The following ASTN2 variants were observed in gnomAD, a reference collection of about 807,000 sequenced individuals.
ASTN2 encodes astrotactin-2.
ASTN2 carries 54 observed loss-of-function variants against 139.8 expected under a neutral mutation model. The ratio of observed to expected loss-of-function variants is 0.39; its 90% CI spans 0.31 to 0.48. ASTN2 has a LOEUF of 0.48. Among genes scored for constraint, ASTN2 ranks in the 20% least tolerant of loss-of-function variants. ASTN2 has a pLI of 0.95. For missense variants in ASTN2, 1,565 were observed against 1,725.1 expected (o/e 0.91, Z 1.64); for synonymous variants, 756 against 719.5 (o/e 1.05, Z -0.81).
intron 19 of ASTN2, among the ~76,000 whole-genome samples, chr9:116,561,236 T>C (rs535328720): frequency 1.3e-5 from 2 of 152,320 alleles, no homozygotes; most frequent in South Asian, 4.1e-4. Context: ...TCTTCTTATG[T>C]CTGTCTCCCC....
chr9:116,929,417 T>C lies in ASTN2; in HGVS notation c.1889+45791A>G, dbSNP rs1002383693. On this transcript the variant is annotated intron_variant, in intron 10 of 22. Coordinates refer to ENST00000313400, the MANE Select transcript of ASTN2 (RefSeq NM_001365068.1). The stretch of plus-strand genomic sequence containing the variant: ...AATCAAGGGTATTGATGCTGCAGAG[T>C]CAATTCTGCAGGAAGTGAACCCTAA... Among the ~76,000 whole-genome samples, 16 of 152,058 alleles carry C rather than the reference T, an allele frequency of 1.1e-4. No homozygotes were observed. In the South Asian group the frequency reaches 1.5e-3, roughly 14 times the overall value.
At chr9:116,759,777 A>C (rs1829628396) in intron 13 of ASTN2, among the ~76,000 whole-genome samples, 1 of 152,016 alleles carries the variant, frequency 6.6e-6, no homozygotes, top group Non-Finnish European at 1.5e-5. Flanking sequence ...CCCCATCCCC[A>C]TCTCTTCCCA....
At chr9:116,562,612 T>C (rs897641257) in intron 19 of ASTN2, among the ~76,000 whole-genome samples, 34 of 151,188 alleles carry the variant, frequency 2.2e-4, no homozygotes, top group African/African-American at 7.8e-4. Context: ...GTGCCTGTAA[T>C]CCCAGTTACT....
At chr9:116,939,569 A>T (rs913344222) in intron 10 of ASTN2, among the ~76,000 whole-genome samples, 2 of 152,188 alleles carry the variant, frequency 1.3e-5, no homozygotes. Flanking sequence ...TATTTTAGAC[A>T]GATACAGCTA....
rs1456312910 is a variant in ASTN2 at position 117,414,787 on chromosome 9, G to A, written c.152C>T (p.Ala51Val). ...LLPPPPLLAG[A>V]TAAASREPDS... ...GGGCTCCCGCGAGGCAGCGGCGGTGGCGCCGGCCAGCAGCGGCGGCGGCGG... is the reference window on the plus strand; with the variant it reads ...GGGCTCCCGCGAGGCAGCGGCGGTGACGCCGGCCAGCAGCGGCGGCGGCGG... The change falls in exon 1 of 23, where the codon GCC (alanine) becomes GTC (valine). Residue 51 changes from alanine (A) to valine (V), a missense_variant. Coordinates refer to ENST00000313400, the MANE Select transcript of ASTN2 (RefSeq NM_001365068.1). The surrounding 1 kb of genome is among the most constrained non-coding windows in gnomAD (Gnocchi z 4.2). The A allele has an allele frequency of 6.4e-6, 8 of 1,249,050 alleles. No homozygotes were observed. In the East Asian group the frequency reaches 2.6e-4, roughly 40 times the overall value. 77.4% of individuals were successfully genotyped at this position (1,249,050 alleles called of 1,614,324 possible). A position where few individuals can be genotyped will look rare whatever the true frequency, so the allele number is the denominator to read the frequency against.
chr9:117,406,363 G>T (rs925795167), intron 1 of ASTN2, among the ~76,000 whole-genome samples: 1 of 152,156 alleles, frequency 6.6e-6, no homozygotes, highest in African/African-American at 2.4e-5. Flanking sequence ...CCTTGGCACT[G>T]TTTTGCTTAA....
At chr9:116,625,926 T>A (rs1225257608) in intron 17 of ASTN2, among the ~76,000 whole-genome samples, 1 of 152,124 alleles carries the variant, frequency 6.6e-6, no homozygotes, top group Non-Finnish European at 1.5e-5. Flanking sequence ...ACTTGCTTAT[T>A]TGTGTGTCCT....
At chr9:116,536,154 C>G (rs1587958599) in intron 19 of ASTN2, among the ~76,000 whole-genome samples, 1 of 151,958 alleles carries the variant, frequency 6.6e-6, no homozygotes, top group Admixed American at 6.6e-5. Context: ...AAATCGGCTA[C>G]TGAAGCTTGT....
intron 3 of ASTN2, among the ~76,000 whole-genome samples, chr9:117,160,127 A>C (rs1588028046): frequency 6.6e-6 from 1 of 152,032 alleles, no homozygotes; most frequent in Non-Finnish European, 1.5e-5. Flanking sequence ...GCTCAACATC[A>C]ATAGGATGGG....
chr9:116,639,327 G>A (rs558833364), intron 17 of ASTN2, among the ~76,000 whole-genome samples: 2 of 152,336 alleles, frequency 1.3e-5, no homozygotes, highest in South Asian at 2.1e-4. Context: ...TAGGCATGAT[G>A]TAACTCTGTC....
chr9:116,464,430 A>G (rs1848590419), intron 20 of ASTN2, among the ~76,000 whole-genome samples: 1 of 152,224 alleles, frequency 6.6e-6, no homozygotes, highest in Non-Finnish European at 1.5e-5. Context: ...ATGGTAATGC[A>G]TAGATATTGA....
At chr9:117,305,894 T>C (rs1359252596) in intron 1 of ASTN2, among the ~76,000 whole-genome samples, 1 of 152,196 alleles carries the variant, frequency 6.6e-6, no homozygotes, top group East Asian at 1.9e-4. Context: ...TGCTCAATAA[T>C]GTCTGCAGCA....
chr9:116,752,223 G>A (rs1829419871), intron 13 of ASTN2, among the ~76,000 whole-genome samples: 1 of 152,142 alleles, frequency 6.6e-6, no homozygotes, highest in Non-Finnish European at 1.5e-5. Flanking sequence ...CTTTAACGCA[G>A]AAGCAAAGGC....
Position 117,273,147 on chromosome 9 carries a change from T to C in ASTN2, c.630+18179A>G, listed in dbSNP as rs188159003. 2.6e-5 allele frequency among the ~76,000 whole-genome samples: 4 copies of C among 152,298 alleles called. No individual in the cohort carries two copies. In the East Asian group the frequency reaches 5.8e-4, roughly 22 times the overall value. ...TGGAGGGCAAAAGGCACTTCTTACA[T>C]GGCAGTGGCAAGAGAAAATGAGGAA... On this transcript the variant is annotated intron_variant, in intron 2 of 22. Transcript: ENST00000313400.
intron 1 of ASTN2, among the ~76,000 whole-genome samples, chr9:117,365,179 A>G (rs992311775): frequency 1.9e-4 from 28 of 151,100 alleles, no homozygotes; most frequent in African/African-American, 6.8e-4. Context: ...AAACAAAAAC[A>G]ACAAAAAAAA....
intron 16 of ASTN2, chr9:116,700,988 G>A (rs1042553735): frequency 6.0e-5 from 10 of 167,074 alleles, no homozygotes; most frequent in African/African-American, 2.4e-4. Context: ...ACCCTATTCT[G>A]AGCTTCTGCT....
chr9:117,203,063 G>A (rs1182094418), intron 3 of ASTN2, among the ~76,000 whole-genome samples: 1 of 151,612 alleles, frequency 6.6e-6, no homozygotes, highest in East Asian at 2.0e-4. Context: ...ATTCTTGTCT[G>A]CATGTCTTAT....
At chr9:117,030,770 A>AG (rs1838224128) in intron 6 of ASTN2, among the ~76,000 whole-genome samples, 1 of 152,126 alleles carries the variant, frequency 6.6e-6, no homozygotes, top group Non-Finnish European at 1.5e-5. Flanking sequence ...AAAAAAAAAA[A>AG]AGAATTCTAC....
At chr9:116,726,907 C>G (rs1381773477) in intron 15 of ASTN2, among the ~76,000 whole-genome samples, 1 of 152,086 alleles carries the variant, frequency 6.6e-6, no homozygotes, top group Non-Finnish European at 1.5e-5. Context: ...CTCTAATGAG[C>G]CACCCACACT....
Sources: gnomAD v4.1 joint callset for allele counts (sites outside exome capture counted in the v4.1 genomes callset) on GRCh38, gnomAD v4.1.1 for gene constraint, Gnocchi (gnomAD v3.1) non-coding constraint, MANE v1.5 for transcripts, NCBI Gene and HGNC (gene_info 2026-07-23, HGNC 2026-07-21) for gene names.